The following DPYD variants were observed in gnomAD, a reference collection of about 807,000 sequenced individuals.
DPYD encodes dihydropyrimidine dehydrogenase.
DPYD carries 109 observed loss-of-function variants against 116.2 expected under a neutral mutation model. That is an observed-to-expected ratio of 0.94 (90% CI 0.80 to 1.10). DPYD has a LOEUF of 1.10. Among genes scored for constraint, DPYD ranks in the 50% least tolerant of loss-of-function variants. The pLI is 0.00. For missense variants in DPYD, 1,302 were observed against 1,254.5 expected (o/e 1.04, Z -0.57); for synonymous variants, 440 against 432.0 (o/e 1.02, Z -0.23).
chr1:97,752,382 T>C (rs1185554411), intron 3 of DPYD, among the ~76,000 whole-genome samples: 1 of 152,114 alleles, frequency 6.6e-6, no homozygotes, highest in Non-Finnish European at 1.5e-5. Flanking sequence ...TCATTTTACT[T>C]AGCTAAATCT....
intron 18 of DPYD, among the ~76,000 whole-genome samples, chr1:97,292,703 C>G (rs1383815062): frequency 8.6e-6 from 1 of 116,790 alleles, no homozygotes; most frequent in African/African-American, 3.2e-5. Flanking sequence ...CATGCGTGCA[C>G]GCGCGCGCAC....
intron 18 of DPYD, among the ~76,000 whole-genome samples, chr1:97,241,117 T>C (rs905796500): frequency 6.6e-6 from 1 of 152,092 alleles, no homozygotes; most frequent in African/African-American, 2.4e-5. Context: ...TCTCCAAGTC[T>C]TCCTATCTTC....
chr1:97,265,193 TC>T (rs1406259934), intron 18 of DPYD, among the ~76,000 whole-genome samples: 1 of 152,120 alleles, frequency 6.6e-6, no homozygotes, highest in East Asian at 1.9e-4. Flanking sequence ...CATGACCTTT[TC>T]CCTCTTCTTG....
chr1:97,332,764 A>G (rs1462242532), intron 16 of DPYD, among the ~76,000 whole-genome samples: 1 of 152,238 alleles, frequency 6.6e-6, no homozygotes, highest in Non-Finnish European at 1.5e-5. Context: ...ATACATTGAA[A>G]AACACAAAAG....
chr1:97,194,350 C>T (rs1229931573), intron 19 of DPYD, among the ~76,000 whole-genome samples: 1 of 152,074 alleles, frequency 6.6e-6, no homozygotes, highest in Non-Finnish European at 1.5e-5. Flanking sequence ...TTCCTTTGCA[C>T]TTCTCCTTCC....
At chr1:97,127,672 T>G (rs565184929) in intron 20 of DPYD, among the ~76,000 whole-genome samples, 1 of 152,136 alleles carries the variant, frequency 6.6e-6, no homozygotes, top group South Asian at 2.1e-4. Flanking sequence ...TCTGCAGTAG[T>G]CCCCTACTGG....
chr1:97,448,381 C>T (rs1226133321), intron 14 of DPYD, among the ~76,000 whole-genome samples: 2 of 152,068 alleles, frequency 1.3e-5, no homozygotes, highest in Middle Eastern at 3.2e-3. Context: ...GCCTCAGTTT[C>T]CTCATCAGTT....
chr1:97,700,348 G>A (rs1557892125), intron 5 of DPYD: 3 of 448,930 alleles, frequency 6.7e-6, no homozygotes, highest in Non-Finnish European at 1.3e-5. Flanking sequence ...TTCTTAAAGT[G>A]CATATGACAA....
intron 18 of DPYD, among the ~76,000 whole-genome samples, chr1:97,259,474 G>C (rs1183930738): frequency 6.6e-6 from 1 of 152,000 alleles, no homozygotes; most frequent in Non-Finnish European, 1.5e-5. Flanking sequence ...CCCTCCTCAA[G>C]TGCCCCTCCT....
At chr1:97,509,410 T>C (rs1275329599) in intron 13 of DPYD, among the ~76,000 whole-genome samples, 1 of 151,884 alleles carries the variant, frequency 6.6e-6, no homozygotes, top group African/African-American at 2.4e-5. Context: ...AAAATTGTTA[T>C]TGGAGGGTTG....
chr1:97,363,658 T>C (rs561292449), intron 16 of DPYD, among the ~76,000 whole-genome samples: 20 of 152,304 alleles, frequency 1.3e-4, no homozygotes, highest in African/African-American at 4.6e-4. Flanking sequence ...TGCAGGATCA[T>C]GGATACAGCT....
chr1:97,636,384 C>A (rs1657562046), intron 8 of DPYD, among the ~76,000 whole-genome samples: 1 of 152,104 alleles, frequency 6.6e-6, no homozygotes, highest in African/African-American at 2.4e-5. Flanking sequence ...ACAATCATCA[C>A]ATCTGAGTCC....
At chr1:97,176,730 G>C (rs1358575893) in intron 20 of DPYD, among the ~76,000 whole-genome samples, 1 of 152,110 alleles carries the variant, frequency 6.6e-6, no homozygotes, top group Non-Finnish European at 1.5e-5. Flanking sequence ...AGGGTCCACA[G>C]GGAGGTCTTT....
Position 97,404,835 on chromosome 1 carries a change from A to C in DPYD, c.1906-22374T>G, listed in dbSNP as rs577191772. Among the ~76,000 whole-genome samples, 24 of 146,088 alleles carry C rather than the reference A, an allele frequency of 1.6e-4. No homozygotes were observed. The South Asian group carries it at 4.7e-3, about 29-fold the overall frequency. ...TCTACTATATTGATTAATGTTTTCT[A>C]TTTTTTTCTCTGTTCCTATTTTGTC... is the stretch of plus-strand genomic sequence containing the variant. On this transcript the variant is annotated intron_variant, in intron 14 of 22. Transcript: ENST00000370192.
At chr1:97,313,021 G>A (rs1052606388) in intron 16 of DPYD, among the ~76,000 whole-genome samples, 4 of 151,814 alleles carry the variant, frequency 2.6e-5, no homozygotes, top group Admixed American at 1.3e-4. Context: ...CAAATTTTCC[G>A]TGCTGAACAC....
intron 14 of DPYD, among the ~76,000 whole-genome samples, chr1:97,387,072 T>A (rs1356835326): frequency 6.6e-6 from 1 of 152,110 alleles, no homozygotes; most frequent in Admixed American, 6.6e-5. Context: ...AAAGCAACAT[T>A]TTTCTATATC....
At chr1:97,409,061 G>A (rs1294295368) in intron 14 of DPYD, among the ~76,000 whole-genome samples, 4 of 152,028 alleles carry the variant, frequency 2.6e-5, no homozygotes, top group Non-Finnish European at 5.9e-5. Context: ...ATGATCATGT[G>A]AGTCAATAAT....
chr1:97,126,818 C>T (rs749871948), intron 20 of DPYD, among the ~76,000 whole-genome samples: 8 of 152,140 alleles, frequency 5.3e-5, no homozygotes, highest in Non-Finnish European at 8.8e-5. Flanking sequence ...ACATGATTTC[C>T]ACATTTCAGT....
At chr1:97,635,638 T>C (rs893015921) in intron 8 of DPYD, among the ~76,000 whole-genome samples, 2 of 152,198 alleles carry the variant, frequency 1.3e-5, no homozygotes. Context: ...TCTGCTAAAA[T>C]TATTCAACTA....
Sources: allele counts gnomAD v4.1 joint callset (sites outside exome capture counted in the v4.1 genomes callset), GRCh38; gene constraint gnomAD v4.1.1; transcripts MANE v1.5; gene names NCBI Gene and HGNC (gene_info 2026-07-23, HGNC 2026-07-21).